Variants in KCNJ8 observed in about 807,000 individuals in gnomAD.
KCNJ8 encodes potassium inwardly rectifying channel subfamily J member 8.
Under a neutral mutation model 28.2 loss-of-function variants are expected in KCNJ8, and 13 were observed. That is an observed-to-expected ratio of 0.46 (90% CI 0.30 to 0.73). KCNJ8 has a LOEUF of 0.73. KCNJ8 is among the 30% of genes least tolerant of loss of function. KCNJ8 has a pLI of 0.07. For synonymous variants in KCNJ8, 188 were observed against 195.9 expected, an observed-to-expected ratio of 0.96 and a Z score of 0.34; for missense variants, 284 against 542.6, an observed-to-expected ratio of 0.52 and a Z score of 4.73.
chr12:21,772,489 T>C (rs1291424103), intron 2 of KCNJ8, among the ~76,000 whole-genome samples: 4 of 152,324 alleles, frequency 2.6e-5, no homozygotes, highest in Admixed American at 6.5e-5. Context: ...ACTTATGATA[T>C]GAGAAAGAAG....
intron 2 of KCNJ8, among the ~76,000 whole-genome samples, chr12:21,768,357 G>A (rs1352280906): frequency 6.6e-6 from 1 of 152,182 alleles, no homozygotes; most frequent in Non-Finnish European, 1.5e-5. Flanking sequence ...GCCCATATAA[G>A]ATGGCAAACA....
chr12:21,768,750 G>C (rs1289211239), intron 2 of KCNJ8, among the ~76,000 whole-genome samples: 1 of 152,142 alleles, frequency 6.6e-6, no homozygotes, highest in Admixed American at 6.5e-5. Context: ...AAATTTGAGT[G>C]GTCTGGATAA....
intron 2 of KCNJ8, among the ~76,000 whole-genome samples, chr12:21,772,432 A>C (rs978915501): frequency 3.3e-5 from 5 of 152,198 alleles, no homozygotes; most frequent in Admixed American, 2.0e-4. Context: ...AACCATGTGA[A>C]AGCAAGAGAG....
intron 2 of KCNJ8, among the ~76,000 whole-genome samples, chr12:21,767,058 A>T (rs1264585815): frequency 6.6e-6 from 1 of 152,162 alleles, no homozygotes; most frequent in African/African-American, 2.4e-5. Flanking sequence ...TTGCGTATCT[A>T]TGTTTAGGAG....
intron 2 of KCNJ8, among the ~76,000 whole-genome samples, chr12:21,769,006 T>C (rs1940699044): frequency 6.6e-6 from 1 of 152,120 alleles, no homozygotes; most frequent in Admixed American, 6.5e-5. Context: ...CTAAGAAAAT[T>C]AGTAAAGGTG....
intron 1 of KCNJ8, among the ~76,000 whole-genome samples, chr12:21,774,017 G>A (rs1376831240): frequency 6.6e-6 from 1 of 152,194 alleles, no homozygotes; most frequent in Non-Finnish European, 1.5e-5. Context: ...ATTAGTGCAA[G>A]GCTACAGCAC....
chr12:21,767,351 C>A (rs1197087554), intron 2 of KCNJ8, among the ~76,000 whole-genome samples: 1 of 129,764 alleles, frequency 7.7e-6, no homozygotes, highest in Non-Finnish European at 1.6e-5. Context: ...AGTGCTGGTC[C>A]ATGGCTTGTC....
At position 21,773,669 on chromosome 12, in the gene KCNJ8, C is replaced by T; in HGVS notation, c.-53G>A. 27 of 1,604,522 alleles carry T rather than the reference C, an allele frequency of 1.7e-5. No individual in the cohort carries two copies. The highest frequency in any genetic ancestry group is 2.3e-5 in the Non-Finnish European group (27 of 1,179,366). ...ACCTCCCTCTCACCTGCCTCTCCGTCCCTGGACACCCGTCCTCCTGCACGA... is the reference window on the plus strand; with the variant it reads ...ACCTCCCTCTCACCTGCCTCTCCGTTCCTGGACACCCGTCCTCCTGCACGA... On this transcript the variant is annotated 5_prime_UTR_variant, in exon 2 of 3. Transcript: ENST00000240662. The surrounding 1 kb of genome is among the most constrained non-coding windows in gnomAD (Gnocchi z 4.6).
intron 2 of KCNJ8, among the ~76,000 whole-genome samples, chr12:21,768,758 T>A (rs550852364): frequency 6.6e-6 from 1 of 152,286 alleles, no homozygotes; most frequent in East Asian, 1.9e-4. Context: ...GTGGTCTGGA[T>A]AAAAGACCAA....
Position 21,773,719 on chromosome 12 carries a change from AAACCCACCCT to A in KCNJ8, c.-70-43_-70-34del. 1 of 1,513,458 alleles carries A rather than the reference AAACCCACCCT, an allele frequency of 6.6e-7. No homozygotes were observed. The highest frequency in any genetic ancestry group is 9.1e-7 in the Non-Finnish European group (1 of 1,103,856). 93.8% of individuals were successfully genotyped at this position (1,513,458 alleles called of 1,614,324 possible). A position where few individuals can be genotyped will look rare whatever the true frequency, so the allele number is the denominator to read the frequency against. ...AGGGAAACATTTATTAAAAACTTAA[AAACCCACCCT>A]ATCCTCACCTCTTGGGTCCTTGTAT... On this transcript the variant is annotated intron_variant, in intron 1 of 2. Coordinates refer to ENST00000240662, the MANE Select transcript of KCNJ8 (RefSeq NM_004982.4). This position sits in a 1 kb window ranked among gnomAD's most constrained non-coding sequence, Gnocchi z 4.6.
Position 21,773,605 on chromosome 12 carries a change from T to C in KCNJ8, c.12A>G (p.Arg4=), listed in dbSNP as rs775249538. Reference sequence around the variant, plus strand: ...CATACTCCTCCGGGATGATACTCTTTCTGGCCAACATCGTCCTGTCACCAT... The same window carrying C: ...CATACTCCTCCGGGATGATACTCTTCCTGGCCAACATCGTCCTGTCACCAT... The part of the protein sequence containing the change: MLA[R]KSIIPEEYVL... Residue 4 remains arginine (R), a synonymous_variant, in exon 2 of 3, where the codon AGA becomes AGG. Coordinates refer to ENST00000240662, the MANE Select transcript of KCNJ8 (RefSeq NM_004982.4). The surrounding 1 kb of genome is among the most constrained non-coding windows in gnomAD (Gnocchi z 4.6). The C allele has an allele frequency of 5.0e-6, 8 of 1,612,984 alleles. No individual in the cohort carries two copies. The Admixed American group carries it at 1.3e-4, about 27-fold the overall frequency.
At chr12:21,774,330 CTTTTT>C (rs113701092) in intron 1 of KCNJ8, among the ~76,000 whole-genome samples, 4 of 126,938 alleles carry the variant, frequency 3.2e-5, no homozygotes, top group Non-Finnish European at 6.8e-5. Context: ...AAATTGAAAA[CTTTTT>C]TTTTTTTTTT....
At chr12:21,767,192 T>C (rs1037778556) in intron 2 of KCNJ8, among the ~76,000 whole-genome samples, 3 of 152,062 alleles carry the variant, frequency 2.0e-5, no homozygotes, top group Non-Finnish European at 2.9e-5. Flanking sequence ...CTAAAAAAAC[T>C]AGTATAAAAC....
chr12:21,768,144 C>T (rs1591885761), intron 2 of KCNJ8, among the ~76,000 whole-genome samples: 1 of 152,162 alleles, frequency 6.6e-6, no homozygotes, highest in Non-Finnish European at 1.5e-5. Flanking sequence ...AGATCCCTCA[C>T]CTTCGCAGTT....
rs1032326392 is a variant in KCNJ8 at position 21,773,732 on chromosome 12, C to G, written c.-70-46G>C. 8 of 1,407,030 alleles carry G rather than the reference C, an allele frequency of 5.7e-6. No individual in the cohort carries two copies. Among genetic ancestry groups the G allele is most frequent in the Non-Finnish European group, 6.9e-6 (7 of 1,008,856 alleles). 87.2% of individuals were successfully genotyped at this position (1,407,030 alleles called of 1,614,324 possible). A position where few individuals can be genotyped will look rare whatever the true frequency, so the allele number is the denominator to read the frequency against. ...TTAAAAACTTAAAAACCCACCCTAT[C>G]CTCACCTCTTGGGTCCTTGTATTCA... On this transcript the variant is annotated intron_variant, in intron 1 of 2. Coordinates refer to ENST00000240662, the MANE Select transcript of KCNJ8 (RefSeq NM_004982.4). The surrounding 1 kb of genome is among the most constrained non-coding windows in gnomAD (Gnocchi z 4.6).
chr12:21,765,250 C>A lies in KCNJ8; in HGVS notation c.*473G>T. ...CAGGCTTCCTACCAAATGCAGTTAT[C>A]ATGGAGACAGGAGAAGGCTGATGTA... On this transcript the variant is annotated 3_prime_UTR_variant, in exon 3 of 3. Coordinates refer to ENST00000240662, the MANE Select transcript of KCNJ8 (RefSeq NM_004982.4). 1 of 225,460 alleles carries A rather than the reference C, an allele frequency of 4.4e-6. No individual in the cohort carries two copies. Among genetic ancestry groups the A allele is most frequent in the Non-Finnish European group, 8.9e-6 (1 of 112,890 alleles). The allele number at this position is 225,460 out of a possible 1,614,324, so 14.0% of individuals were successfully genotyped here.
chr12:21,771,327 C>T (rs1047234974), intron 2 of KCNJ8, among the ~76,000 whole-genome samples: 14 of 152,164 alleles, frequency 9.2e-5, no homozygotes, highest in African/African-American at 3.1e-4. Context: ...TTTACTGACA[C>T]TTGCTATGCT....
chr12:21,771,707 T>G (rs1940759403), intron 2 of KCNJ8, among the ~76,000 whole-genome samples: 2 of 152,202 alleles, frequency 1.3e-5, no homozygotes, highest in Admixed American at 1.3e-4. Context: ...TGTTACCATT[T>G]CTTTTTTCTC....
At chr12:21,772,664 T>C (rs16924300) in intron 2 of KCNJ8, among the ~76,000 whole-genome samples, 4,462 of 152,310 alleles carry the variant, frequency 0.029, 225 homozygotes, top group African/African-American at 0.1. Context: ...TAACTTTTAA[T>C]TTCTGAATCC....
Sources: allele counts gnomAD v4.1 joint callset (sites outside exome capture counted in the v4.1 genomes callset), GRCh38; gene constraint gnomAD v4.1.1; non-coding constraint Gnocchi (gnomAD v3.1); transcripts MANE v1.5; gene names NCBI Gene and HGNC (gene_info 2026-07-23, HGNC 2026-07-21).